CADPS2: variants seen among roughly 807,000 people sequenced by gnomAD.
CADPS2 encodes the protein calcium-dependent secretion activator 2.
In CADPS2, 93 loss-of-function variants were observed where a neutral mutation model predicts 172.5. The observed-to-expected ratio is 0.54, with a 90% confidence interval of 0.46 to 0.64. The LOEUF is 0.64. Among genes scored for constraint, CADPS2 ranks in the 30% least tolerant of loss-of-function variants. The pLI, the probability that CADPS2 is intolerant of heterozygous loss-of-function variation, is 0.00. For missense variants in CADPS2, 1,420 were observed against 1,565.9 expected (o/e 0.91, Z 1.57); for synonymous variants, 546 against 555.2 (o/e 0.98, Z 0.23).
At chr7:122,584,063 T>C (rs1335369432) in intron 6 of CADPS2, among the ~76,000 whole-genome samples, 1 of 151,740 alleles carries the variant, frequency 6.6e-6, no homozygotes, top group Non-Finnish European at 1.5e-5. Context: ...TAGCCTTTTA[T>C]ATAATGTCCA....
intron 18 of CADPS2, 73 bp downstream of exon 18, chr7:122,415,988 C>A (rs1585801554): frequency 1.1e-6 from 1 of 893,670 alleles, no homozygotes; most frequent in Non-Finnish European, 1.6e-6. Context: ...GGGCAGGCCA[C>A]TTATTCAGTG....
chr7:122,559,860 G>A (rs552869959), intron 7 of CADPS2, among the ~76,000 whole-genome samples: 2 of 151,834 alleles, frequency 1.3e-5, no homozygotes, highest in East Asian at 3.9e-4. Context: ...TTAGGAAAAG[G>A]GACAAGACTC....
At chr7:122,762,567 A>C (rs1367183953) in intron 1 of CADPS2, among the ~76,000 whole-genome samples, 7 of 152,212 alleles carry the variant, frequency 4.6e-5, no homozygotes, top group Non-Finnish European at 1.5e-5. Flanking sequence ...ACCCAGTTAA[A>C]CTATCAGTTG....
At chr7:122,593,405 G>A (rs1265934875) in intron 6 of CADPS2, among the ~76,000 whole-genome samples, 2 of 151,984 alleles carry the variant, frequency 1.3e-5, no homozygotes, top group African/African-American at 2.4e-5. Context: ...GGGCTACCAA[G>A]TACAGACCCA....
At chr7:122,608,062 C>T (rs1390083501) in intron 6 of CADPS2, among the ~76,000 whole-genome samples, 1 of 151,866 alleles carries the variant, frequency 6.6e-6, no homozygotes, top group African/African-American at 2.4e-5. Context: ...ACTAAAACTA[C>T]AAAAATTAGC....
intron 8 of CADPS2, among the ~76,000 whole-genome samples, chr7:122,540,957 C>T (rs1018546589): frequency 6.6e-6 from 1 of 151,808 alleles, no homozygotes; most frequent in Admixed American, 6.6e-5. Context: ...ATGACTTTTA[C>T]GGTCTGAACA....
At chr7:122,771,116 A>T in intron 1 of CADPS2, among the ~76,000 whole-genome samples, 1 of 152,182 alleles carries the variant, frequency 6.6e-6, no homozygotes, top group East Asian at 1.9e-4. Context: ...GGCAGGGCCT[A>T]GATATCCTGG....
intron 20 of CADPS2, among the ~76,000 whole-genome samples, chr7:122,396,998 C>A (rs1253160180): frequency 1.3e-5 from 2 of 152,144 alleles, no homozygotes. Context: ...CCTATTGAGG[C>A]CTGTGTATAC....
intron 2 of CADPS2, among the ~76,000 whole-genome samples, chr7:122,719,081 TC>T (rs2090048461): frequency 6.6e-6 from 1 of 152,022 alleles, no homozygotes; most frequent in Non-Finnish European, 1.5e-5. Flanking sequence ...TAAACACAGC[TC>T]CCTTTGAATT....
intron 1 of CADPS2, among the ~76,000 whole-genome samples, chr7:122,876,058 T>G (rs1320506603): frequency 6.6e-6 from 1 of 152,136 alleles, no homozygotes; most frequent in African/African-American, 2.4e-5. Context: ...CAGTGGCTCA[T>G]GCCTGTAATC....
At chr7:122,341,422 C>T (rs2036775108) in intron 28 of CADPS2, among the ~76,000 whole-genome samples, 1 of 152,128 alleles carries the variant, frequency 6.6e-6, no homozygotes, top group Non-Finnish European at 1.5e-5. Flanking sequence ...TTTCAGAAAT[C>T]ATCTGGAGTT....
At chr7:122,403,352 G>C (rs1259436547) in intron 20 of CADPS2, among the ~76,000 whole-genome samples, 1 of 152,112 alleles carries the variant, frequency 6.6e-6, no homozygotes, top group Non-Finnish European at 1.5e-5. Context: ...CTACATGGGG[G>C]AGCTGTTTTT....
rs139887898 is a variant in CADPS2, at chr7:122,614,645, T to C, written c.1223+536A>G. On this transcript the variant is annotated intron_variant, in intron 6 of 29. Coordinates refer to ENST00000449022, the MANE Select transcript of CADPS2 (RefSeq NM_017954.11). Reference sequence around the variant, plus strand: ...AACACTTACTAATTTAATTAACTCATTGCCAGAACCTGAAACATCAAACTG... The same window carrying C: ...AACACTTACTAATTTAATTAACTCACTGCCAGAACCTGAAACATCAAACTG... Among the ~76,000 whole-genome samples, 1,048 of 152,274 alleles carry C rather than the reference T, an allele frequency of 6.9e-3. 9 individuals are homozygous for C. Among genetic ancestry groups the C allele is most frequent in the African/African-American group, 0.023 (960 of 41,546 alleles).
At chr7:122,761,316 C>G (rs2093371015) in intron 1 of CADPS2, among the ~76,000 whole-genome samples, 1 of 152,116 alleles carries the variant, frequency 6.6e-6, no homozygotes, top group African/African-American at 2.4e-5. Flanking sequence ...GGCAGCCAGG[C>G]CAATACTCAT....
intron 3 of CADPS2, among the ~76,000 whole-genome samples, chr7:122,636,147 C>T (rs935673904): frequency 1.3e-5 from 2 of 152,050 alleles, no homozygotes; most frequent in African/African-American, 4.8e-5. Context: ...ATTTCGTTAG[C>T]TGGTTGTTTT....
intron 27 of CADPS2, among the ~76,000 whole-genome samples, chr7:122,345,946 C>G (rs1449825156): frequency 5.8e-5 from 7 of 121,336 alleles, no homozygotes; most frequent in Non-Finnish European, 8.3e-5. Flanking sequence ...AAATGGCTAT[C>G]TTGAAAGGCC....
At chr7:122,680,619 C>A (rs2082917889) in intron 2 of CADPS2, among the ~76,000 whole-genome samples, 1 of 152,196 alleles carries the variant, frequency 6.6e-6, no homozygotes, top group African/African-American at 2.4e-5. Flanking sequence ...GAAGCTGAGG[C>A]ATGAGAATCA....
chr7:122,600,123 A>G (rs905000578), intron 6 of CADPS2, among the ~76,000 whole-genome samples: 7 of 152,110 alleles, frequency 4.6e-5, no homozygotes, highest in African/African-American at 7.2e-5. Context: ...GGCTATAAAA[A>G]TGGATGGACA....
chr7:122,827,959 T>C (rs1295896669), intron 1 of CADPS2, among the ~76,000 whole-genome samples: 1 of 152,330 alleles, frequency 6.6e-6, no homozygotes, highest in Admixed American at 6.5e-5. Context: ...TCTATGACCT[T>C]GCTGATTTTT....
Sources: allele counts gnomAD v4.1 joint callset (sites outside exome capture counted in the v4.1 genomes callset), GRCh38; gene constraint gnomAD v4.1.1; transcripts MANE v1.5; gene names NCBI Gene and HGNC (gene_info 2026-07-23, HGNC 2026-07-21).